DISP2: variants seen among roughly 807,000 people sequenced by gnomAD.
DISP2 encodes protein dispatched homolog 2.
In DISP2, 59 loss-of-function variants were observed where a neutral mutation model predicts 95.5. The observed-to-expected ratio is 0.62, with a 90% CI of 0.50 to 0.77. The LOEUF (loss-of-function observed/expected upper bound fraction) is 0.77, where lower values mean the gene tolerates loss of function less well. Ranked by LOEUF, DISP2 falls within the 30% of genes least tolerant of loss-of-function variation. DISP2 has a pLI of 0.00. For synonymous variants in DISP2, 827 were observed against 815.0 expected, an observed-to-expected ratio of 1.01 and a Z score of -0.25; for missense variants, 1,752 against 1,854.6, an observed-to-expected ratio of 0.94 and a Z score of 1.02.
At chr15:40,366,667 C>T (rs1192734678) in intron 7 of DISP2, among the ~76,000 whole-genome samples, 1 of 152,188 alleles carries the variant, frequency 6.6e-6, no homozygotes, top group Non-Finnish European at 1.5e-5. Flanking sequence ...TGGCAGTGAC[C>T]CTGAACCTGG....
In DISP2 at chr15:40,368,179, G is replaced by C; in HGVS notation, c.2067G>C (p.Leu689=). ...GGGCGGCGGCTGGCACCTCGCGTCT[G>C]CTCTTCCAGCGCCTGCTGCCCTGCG... The part of the protein sequence containing the change: ...LRRAAAGTSR[L]LFQRLLPCGV... Residue 689 remains leucine, a synonymous_variant, in exon 8 of 8, where the codon CTG becomes CTC. Transcript: ENST00000267889. 6.3e-7 allele frequency: 1 copy of C among 1,593,914 alleles called. No homozygotes were observed. Among genetic ancestry groups the C allele is most frequent in the Non-Finnish European group, 8.5e-7 (1 of 1,173,844 alleles).
Position 40,363,708 on chromosome 15 carries a change from G to C in DISP2, c.203G>C (p.Ser68Thr). The change falls in exon 2 of 8, where the codon AGC (serine) becomes ACC (threonine). Residue 68 changes from serine to threonine, a missense_variant. Transcript: ENST00000267889. ...AGCTGCCCCCTGGAGGACCCTTCCA[G>C]CTCTTCAGGACCCCCACCAACAACT... ...LHSCPLEDPS[S>T]SSGPPPTTST... 6.2e-7 allele frequency: 1 copy of C among 1,611,624 alleles called. No individual in the cohort carries two copies.
In DISP2 at chr15:40,378,198, G is replaced by T. The variant is rs1889756199; in HGVS notation, c.*7880G>T. The stretch of plus-strand genomic sequence containing the variant: ...ACAGCTGACACCTATGTGAGAATTA[G>T]ACAAGGACACTAAAAGAATTATTAT... On this transcript the variant is annotated 3_prime_UTR_variant, in exon 8 of 8. Transcript: ENST00000267889. 1 of 152,210 alleles carries T rather than the reference G, an allele frequency of 6.6e-6. No homozygotes were observed. The highest frequency in any genetic ancestry group is 1.5e-5 in the Non-Finnish European group (1 of 68,040). 9.4% of individuals were successfully genotyped at this position (152,210 alleles called of 1,614,324 possible).
At position 40,368,119 on chromosome 15, in the gene DISP2, G is replaced by A; in HGVS notation, c.2007G>A (p.Leu669=). Residue 669 remains leucine (L), a synonymous_variant, in exon 8 of 8, where the codon CTG becomes CTA. Coordinates refer to ENST00000267889, the MANE Select transcript of DISP2 (RefSeq NM_033510.3). Reference sequence around the variant, plus strand: ...AGGGCAGCGCGCCCCGGCGGCTACTGCTGGCGCTGCACCGGCGGCTCCGCG... The same window carrying A: ...AGGGCAGCGCGCCCCGGCGGCTACTACTGGCGCTGCACCGGCGGCTCCGCG... ...RWEGSAPRRL[L]LALHRRLRGL... 7.1e-7 allele frequency: 1 copy of A among 1,402,530 alleles called. No individual in the cohort carries two copies. Among genetic ancestry groups the A allele is most frequent in the African/African-American group, 1.5e-5 (1 of 66,294 alleles). The allele number at this position is 1,402,530 out of a possible 1,614,324, so 86.9% of individuals were successfully genotyped here.
In DISP2 at chr15:40,364,408, C is replaced by G; in HGVS notation, c.480-13C>G. ...CCACACCCAACTCATGTGGACTCCT[C>G]CCTCTTTCCCAGCTATTCCCAGCTG... On this transcript the variant is annotated splice_polypyrimidine_tract_variant and intron_variant, in intron 3 of 7. Transcript: ENST00000267889. 1 of 1,613,650 alleles carries G rather than the reference C, an allele frequency of 6.2e-7. No individual in the cohort carries two copies. The highest frequency in any genetic ancestry group is 8.5e-7 in the Non-Finnish European group (1 of 1,180,008).
rs1889595344 is a variant in DISP2 at position 40,369,561 on chromosome 15, G to A, written c.3449G>A (p.Gly1150Glu). ...GAGAAGGCAGGCCGCCCACGACCAG[G>A]GTCAGTGGGAGGGATGCCCGGGTCC... ...GGEKAGRPRP[G>E]SVGGMPGSCS... Residue 1150 changes from glycine (G) to glutamate (E), a missense_variant, in exon 8 of 8, where the codon GGG (glycine) becomes GAG (glutamate). Transcript: ENST00000267889. 3.1e-6 allele frequency: 5 copies of A among 1,612,418 alleles called. No homozygotes were observed. The highest frequency in any genetic ancestry group is 4.2e-6 in the Non-Finnish European group (5 of 1,180,012).
rs1197365237 is a variant in DISP2, at chr15:40,367,549, G to A, written c.1437G>A (p.Glu479=). Residue 479 remains glutamate (E), a synonymous_variant, in exon 8 of 8, where the codon GAG becomes GAA. Transcript: ENST00000267889. ...VTGMDLGLKQ[E]LLRHFLVQDT... is the part of the protein sequence containing the mutation. Reference sequence around the variant, plus strand: ...GCATGGACCTGGGCCTCAAGCAGGAGCTGCTGAGGCACTTCCTGGTCCAGG... The same window carrying A: ...GCATGGACCTGGGCCTCAAGCAGGAACTGCTGAGGCACTTCCTGGTCCAGG... 1 of 1,613,742 alleles carries A rather than the reference G, an allele frequency of 6.2e-7. No homozygotes were observed. Among genetic ancestry groups the A allele is most frequent in the Admixed American group, 1.7e-5 (1 of 59,990 alleles).
chr15:40,360,439 T>C (rs771367138), intron 1 of DISP2, among the ~76,000 whole-genome samples: 3 of 151,864 alleles, frequency 2.0e-5, no homozygotes, highest in Non-Finnish European at 4.4e-5. Context: ...ATATGGAAGG[T>C]TTCAAATTCT....
chr15:40,368,339 A>C lies in DISP2; in HGVS notation c.2227A>C (p.Ser743Arg), dbSNP rs774888275. 1 of 1,604,568 alleles carries C rather than the reference A, an allele frequency of 6.2e-7. No individual in the cohort carries two copies. The highest frequency in any genetic ancestry group is 8.5e-7 in the Non-Finnish European group (1 of 1,177,550). ...GCCCGGCGGCCAGGTCTTCCGGCCC[A>C]GCCACCCCTTCGAGCGCTTCGACGC... ...PPPGGQVFRP[S>R]HPFERFDAEY... Residue 743 changes from serine to arginine, a missense_variant, in exon 8 of 8, where the codon AGC becomes CGC. Around this residue, in one of 5 missense-constraint regions of DISP2, gnomAD observed 732 missense variants for 714.6 expected, o/e 1.02. Transcript: ENST00000267889.
Position 40,367,862 on chromosome 15 carries a change from C to G in DISP2, c.1750C>G (p.Arg584Gly), listed in dbSNP as rs1228540746. 1.2e-6 allele frequency: 2 copies of G among 1,600,070 alleles called. No individual in the cohort carries two copies. Among genetic ancestry groups the G allele is most frequent in the Non-Finnish European group, 1.7e-6 (2 of 1,179,796 alleles). The stretch of plus-strand genomic sequence containing the variant: ...GGGGGGGCTGGCGCAGCGCGTGGGC[C>G]GCACCATGCACCACTTCGGCTACCT... ...PSGGLAQRVG[R>G]TMHHFGYLLL... Residue 584 changes from arginine to glycine, a missense_variant, in exon 8 of 8, where the codon CGC (arginine) becomes GGC (glycine). Physicochemically the swap from Arg to Gly is moderately radical, Grantham distance 125. Coordinates refer to ENST00000267889, the MANE Select transcript of DISP2 (RefSeq NM_033510.3).
intron 6 of DISP2, 137 bp downstream of exon 6, chr15:40,365,411 G>T: frequency 1.4e-6 from 2 of 1,449,886 alleles, no homozygotes; most frequent in Non-Finnish European, 1.9e-6. Flanking sequence ...AAGGAAGCCG[G>T]GTTACAGCTG....
In DISP2 at chr15:40,374,014, A is replaced by AAAAAAAAAAAAAAAAAAATAT; in HGVS notation, c.*3697_*3698insAAAAAAAAAAAAAAAAATATA. ...GCGAGACTCCATCTTAAAAAAAAAA[A>AAAAAAAAAAAAAAAAAAATAT]ATATATATATATATATATGTAAACT... On this transcript the variant is annotated 3_prime_UTR_variant, in exon 8 of 8. Transcript: ENST00000267889. The AAAAAAAAAAAAAAAAAAATAT allele has an allele frequency of 2.9e-5, 3 of 104,200 alleles. No homozygotes were observed. In the East Asian group the frequency reaches 7.4e-4, roughly 26 times the overall value. 6.5% of individuals were successfully genotyped at this position (104,200 alleles called of 1,614,324 possible).
At chr15:40,365,763 A>T in intron 7 of DISP2, 38 bp downstream of exon 7, 1 of 1,600,474 alleles carries the variant, frequency 6.2e-7, no homozygotes, top group Non-Finnish European at 8.6e-7. Flanking sequence ...TTTGGGGGGA[A>T]CTAAGGACAT....
rs1281442842 is a variant in DISP2, at chr15:40,377,454, G to A, written c.*7136G>A. On this transcript the variant is annotated 3_prime_UTR_variant, in exon 8 of 8. Transcript: ENST00000267889. ...AAATACATGAAATAATGAGTTTCAA[G>A]ACACTGGACATGAGGTAACAAAAGA... The A allele has an allele frequency of 6.6e-6, 1 of 152,150 alleles. No individual in the cohort carries two copies. Among genetic ancestry groups the A allele is most frequent in the East Asian group, 1.9e-4 (1 of 5,202 alleles). 9.4% of individuals were successfully genotyped at this position (152,150 alleles called of 1,614,324 possible).
At position 40,372,757 on chromosome 15, in the gene DISP2, C is replaced by G. The variant is rs561774298; in HGVS notation, c.*2439C>G. On this transcript the variant is annotated 3_prime_UTR_variant, in exon 8 of 8. Transcript: ENST00000267889. ...ATGAGCCACAGGGAGGTTAAGGGAA[C>G]TCTTCCTCCCAAGCATGAGCAGAAG... The G allele has an allele frequency of 2.0e-5, 3 of 152,202 alleles. No individual in the cohort carries two copies. The highest frequency in any genetic ancestry group is 7.2e-5 in the African/African-American group (3 of 41,438). The allele number at this position is 152,202 out of a possible 1,614,324, so 9.4% of individuals were successfully genotyped here. A position where few individuals can be genotyped will look rare whatever the true frequency, so the allele number is the denominator to read the frequency against.
At chr15:40,358,657 C>T (rs891937536) in intron 1 of DISP2, among the ~76,000 whole-genome samples, 6 of 152,036 alleles carry the variant, frequency 3.9e-5, no homozygotes, top group African/African-American at 1.4e-4. Context: ...CAGCCCCCAT[C>T]GCCCTCCCCG....
chr15:40,370,945 G>A lies in DISP2; in HGVS notation c.*627G>A, dbSNP rs546362122. On this transcript the variant is annotated 3_prime_UTR_variant, in exon 8 of 8. Transcript: ENST00000267889. ...GGCTGCTGGGTGTGCAGCAGGAGAA[G>A]GAGGATGGTCAGCCTTGGAGCATCT... is the stretch of plus-strand genomic sequence containing the variant. The A allele has an allele frequency of 1.1e-5, 3 of 264,426 alleles. No individual in the cohort carries two copies. The highest frequency in any genetic ancestry group is 6.5e-5 in the African/African-American group (3 of 45,832). The allele number at this position is 264,426 out of a possible 1,614,324, so 16.4% of individuals were successfully genotyped here.
rs1368369256 is a variant in DISP2 at position 40,375,486 on chromosome 15, T to A, written c.*5168T>A. 1 of 151,980 alleles carries A rather than the reference T, an allele frequency of 6.6e-6. No individual in the cohort carries two copies. Among genetic ancestry groups the A allele is most frequent in the Non-Finnish European group, 1.5e-5 (1 of 68,014 alleles). The allele number at this position is 151,980 out of a possible 1,614,324, so 9.4% of individuals were successfully genotyped here. ...ATTATTTGTATTGACTCTTTTATATTTTCTCCACCTTCCTCAAATATCTCA... is the reference window on the plus strand; with the variant it reads ...ATTATTTGTATTGACTCTTTTATATATTCTCCACCTTCCTCAAATATCTCA... On this transcript the variant is annotated 3_prime_UTR_variant, in exon 8 of 8. Coordinates refer to ENST00000267889, the MANE Select transcript of DISP2 (RefSeq NM_033510.3).
chr15:40,376,116 A>G lies in DISP2; in HGVS notation c.*5798A>G, dbSNP rs952370381. ...AAGAATTCAAATTCATTGACATGTT[A>G]TATTGTAAAATATATAAATATATAT... On this transcript the variant is annotated 3_prime_UTR_variant, in exon 8 of 8. Coordinates refer to ENST00000267889, the MANE Select transcript of DISP2 (RefSeq NM_033510.3). The G allele has an allele frequency of 2.6e-5, 4 of 151,988 alleles. No homozygotes were observed. The highest frequency in any genetic ancestry group is 4.8e-5 in the African/African-American group (2 of 41,442). 9.4% of individuals were successfully genotyped at this position (151,988 alleles called of 1,614,324 possible).
Sources: gnomAD v4.1 joint callset for allele counts (sites outside exome capture counted in the v4.1 genomes callset) on GRCh38, gnomAD v4.1.1 for gene constraint, gnomAD v4.1.1 regional missense constraint, MANE v1.5 for transcripts, NCBI Gene and HGNC (gene_info 2026-07-23, HGNC 2026-07-21) for gene names.